Variants in VAV2 observed in about 807,000 individuals in gnomAD.
The protein encoded by VAV2 is guanine nucleotide exchange factor VAV2.
VAV2 carries 67 observed loss-of-function variants against 132.5 expected under a neutral mutation model. The observed-to-expected ratio is 0.51, with a 90% confidence interval of 0.42 to 0.62. The LOEUF (loss-of-function observed/expected upper bound fraction) is 0.62. Ranked by LOEUF, VAV2 falls within the 20% of genes least tolerant of loss-of-function variation. The pLI, the probability that VAV2 is intolerant of heterozygous loss-of-function variation, is 0.00. For synonymous variants in VAV2, 492 were observed against 443.5 expected (o/e 1.11, Z -1.37); for missense variants, 938 against 1,153.6 (o/e 0.81, Z 2.71).
chr9:133,976,859 T>C (rs1842529298), intron 1 of VAV2, among the ~76,000 whole-genome samples: 1 of 152,218 alleles, frequency 6.6e-6, no homozygotes, highest in Non-Finnish European at 1.5e-5. Flanking sequence ...AAGCCACTCC[T>C]TTTATCCCCA....
intron 1 of VAV2, among the ~76,000 whole-genome samples, chr9:133,981,497 C>T (rs1391823508): frequency 6.6e-6 from 1 of 152,210 alleles, no homozygotes; most frequent in African/African-American, 2.4e-5. Flanking sequence ...GGGTGAGGGC[C>T]GGTGCCCTTC....
chr9:133,778,117 G>A (rs9409863), intron 22 of VAV2, among the ~76,000 whole-genome samples: 8,651 of 152,150 alleles, frequency 0.057, 294 homozygotes, highest in Non-Finnish European at 0.066. Flanking sequence ...CGTGTCAAGA[G>A]AAGGGCAAAT....
intron 3 of VAV2, among the ~76,000 whole-genome samples, chr9:133,838,143 C>G (rs1836544883): frequency 6.6e-6 from 1 of 152,070 alleles, no homozygotes; most frequent in African/African-American, 2.4e-5. Context: ...CCCCCCACAG[C>G]CCTCCATGCC....
rs368882667 is a variant in VAV2 at position 133,769,766 on chromosome 9, T to C, written c.2348-263A>G. Among the ~76,000 whole-genome samples the C allele has an allele frequency of 2.4e-3, 358 of 152,302 alleles. 2 individuals are homozygous for C. The highest frequency in any genetic ancestry group is 8.2e-3 in the African/African-American group (341 of 41,566). ...AGCAAATTGGGACCACCTCCTCTCA[T>C]GCCCTCGCCTGGCACATAGCAGGTG... is the stretch of plus-strand genomic sequence containing the variant. On this transcript the variant is annotated intron_variant, in intron 27 of 29. Transcript: ENST00000371850. This position sits in a 1 kb window ranked among gnomAD's most constrained non-coding sequence, Gnocchi z 8.1.
At position 133,788,124 on chromosome 9, in the gene VAV2, G is replaced by C. The variant is rs1465058584; in HGVS notation, c.1407+230C>G. Among the ~76,000 whole-genome samples the C allele has an allele frequency of 6.6e-6, 1 of 152,176 alleles. No individual in the cohort carries two copies. On this transcript the variant is annotated intron_variant, in intron 15 of 29. Coordinates refer to ENST00000371850, the MANE Select transcript of VAV2 (RefSeq NM_001134398.2). This position sits in a 1 kb window ranked among gnomAD's most constrained non-coding sequence, Gnocchi z 5.3. ...GGATTCTGGTCTTGCCCACCTTTCT[G>C]GGGGGCGCTGGGCCCGGCGAGGAGC...
At chr9:133,972,061 G>A (rs1186989378) in intron 1 of VAV2, among the ~76,000 whole-genome samples, 1 of 152,028 alleles carries the variant, frequency 6.6e-6, no homozygotes, top group African/African-American at 2.4e-5. Flanking sequence ...CCCAATTCCT[G>A]TCCCCAAAGG....
rs141881441 is a variant in VAV2, at chr9:133,800,529, C to T, written c.837-2720G>A. On this transcript the variant is annotated intron_variant, in intron 9 of 29. Transcript: ENST00000371850. The stretch of plus-strand genomic sequence containing the variant: ...TGACTTCCCACCAGGCCCCGCACCA[C>T]TGCGGACTCGGCTTCAAGCATTTCA... Among the ~76,000 whole-genome samples the T allele has an allele frequency of 9.2e-3, 1,404 of 152,352 alleles. 16 individuals carry two copies. Among genetic ancestry groups the T allele is most frequent in the Non-Finnish European group, 0.013 (855 of 68,018 alleles).
intron 4 of VAV2, among the ~76,000 whole-genome samples, chr9:133,831,204 G>A (rs1479219714): frequency 6.6e-6 from 1 of 152,208 alleles, no homozygotes; most frequent in Admixed American, 6.5e-5. Flanking sequence ...GGGAGGCCGA[G>A]GCAGGTGGAT....
chr9:133,876,398 G>A (rs763561317), intron 2 of VAV2, among the ~76,000 whole-genome samples: 87 of 152,364 alleles, frequency 5.7e-4, no homozygotes, highest in Non-Finnish European at 9.7e-4. Context: ...CGGGGTGGGT[G>A]TGGAGCAAAG....
chr9:133,830,750 T>C (rs886521222), intron 4 of VAV2, among the ~76,000 whole-genome samples: 29 of 152,126 alleles, frequency 1.9e-4, no homozygotes, highest in African/African-American at 7.0e-4. Flanking sequence ...AGGTAAGAAA[T>C]GGCATGCGCT....
chr9:133,906,948 G>A (rs1271237314), intron 2 of VAV2, among the ~76,000 whole-genome samples: 1 of 152,020 alleles, frequency 6.6e-6, no homozygotes, highest in Non-Finnish European at 1.5e-5. Context: ...CAGGAGCAGG[G>A]ACCCTGGCCT....
Position 133,983,107 on chromosome 9 carries a change from C to T in VAV2, c.204+8968G>A, listed in dbSNP as rs574404373. Among the ~76,000 whole-genome samples, 3 of 152,318 alleles carry T rather than the reference C, an allele frequency of 2.0e-5. No homozygotes were observed. In the East Asian group the frequency reaches 5.8e-4, roughly 29 times the overall value. The stretch of plus-strand genomic sequence containing the variant: ...AGTCAGGAGGGAGACCTGCTGGGGC[C>T]TCAGCTAGGGGCTCGGGTCTGGGCA... On this transcript the variant is annotated intron_variant, in intron 1 of 29. Transcript: ENST00000371850.
In VAV2 at chr9:133,876,685, G is replaced by A. The variant is rs7853193; in HGVS notation, c.322-15253C>T. Among the ~76,000 whole-genome samples, 891 of 152,322 alleles carry A rather than the reference G, an allele frequency of 5.8e-3. 7 individuals carry two copies. Among genetic ancestry groups the A allele is most frequent in the African/African-American group, 0.02 (837 of 41,566 alleles). On this transcript the variant is annotated intron_variant, in intron 2 of 29. Coordinates refer to ENST00000371850, the MANE Select transcript of VAV2 (RefSeq NM_001134398.2). The stretch of plus-strand genomic sequence containing the variant: ...GAAGGCAGGACCGCGGGAGGGGGGC[G>A]GCCCCAAGGAGTCTTCTAACCAGGC...
intron 1 of VAV2, among the ~76,000 whole-genome samples, chr9:133,941,622 G>GGA (rs1491092885): frequency 1.4e-4 from 14 of 97,884 alleles, no homozygotes; most frequent in Admixed American, 7.8e-4. Context: ...GGGGGGGGGG[G>GGA]ACGGAATTTC....
chr9:133,939,293 A>C, intron 1 of VAV2, 74 bp from the exon 2 acceptor site: 1 of 1,314,580 alleles, frequency 7.6e-7, no homozygotes, highest in Non-Finnish European at 1.1e-6. Flanking sequence ...CCGTAACAGC[A>C]ACAGCAGCAA....
intron 8 of VAV2, among the ~76,000 whole-genome samples, chr9:133,806,679 A>G (rs1835159817): frequency 3.3e-5 from 5 of 152,236 alleles, no homozygotes; most frequent in Admixed American, 2.6e-4. Flanking sequence ...CAGCGTGACC[A>G]GAGCTCACCC....
At chr9:133,842,503 C>T (rs1564398085) in intron 3 of VAV2, among the ~76,000 whole-genome samples, 1 of 152,184 alleles carries the variant, frequency 6.6e-6, no homozygotes, top group Non-Finnish European at 1.5e-5. Context: ...TTGCCCAGGA[C>T]AGGGATTTCT....
chr9:133,950,655 G>A (rs1841528480), intron 1 of VAV2, among the ~76,000 whole-genome samples: 2 of 152,138 alleles, frequency 1.3e-5, no homozygotes, highest in Non-Finnish European at 2.9e-5. Context: ...GTGCCGGAGG[G>A]TTCAAATCCT....
chr9:133,805,666 C>T (rs1835106073), intron 9 of VAV2, among the ~76,000 whole-genome samples: 1 of 152,018 alleles, frequency 6.6e-6, no homozygotes, highest in Non-Finnish European at 1.5e-5. Context: ...CCCCAGCCTC[C>T]GACAGCCTGG....
Sources: allele counts gnomAD v4.1 joint callset (sites outside exome capture counted in the v4.1 genomes callset), GRCh38; gene constraint gnomAD v4.1.1; non-coding constraint Gnocchi (gnomAD v3.1); transcripts MANE v1.5; gene names NCBI Gene and HGNC (gene_info 2026-07-23, HGNC 2026-07-21).